The following CECR2 variants were observed in gnomAD, a reference collection of about 807,000 sequenced individuals.
CECR2 encodes the protein CECR2 histone acetyl-lysine reader.
Under a neutral mutation model 154.5 loss-of-function variants are expected in CECR2, and 30 were observed. The observed-to-expected ratio is 0.19, with a 90% CI of 0.15 to 0.26. The LOEUF (loss-of-function observed/expected upper bound fraction) is 0.26. CECR2 is among the 10% of genes least tolerant of loss of function. The pLI, the probability that CECR2 is intolerant of heterozygous loss-of-function variation, is 1.00. For synonymous variants in CECR2, 725 were observed against 683.7 expected (o/e 1.06, Z -0.94); for missense variants, 1,743 against 1,829.3 (o/e 0.95, Z 0.86).
intron 2 of CECR2, among the ~76,000 whole-genome samples, chr22:17,484,140 C>CTAACCA (rs1416793118): frequency 6.6e-6 from 1 of 152,186 alleles, no homozygotes; most frequent in Non-Finnish European, 1.5e-5. Flanking sequence ...ACAGAATCAC[C>CTAACCA]TAACCATGCC....
chr22:17,511,099 T>C (rs549536500), intron 7 of CECR2, among the ~76,000 whole-genome samples: 1 of 152,336 alleles, frequency 6.6e-6, no homozygotes, highest in African/African-American at 2.4e-5. Context: ...AGTTATGTTA[T>C]CTTAAGGGAA....
chr22:17,518,594 C>CT (rs1411820983), intron 8 of CECR2: 9 of 355,292 alleles, frequency 2.5e-5, no homozygotes, highest in Non-Finnish European at 5.0e-5. Flanking sequence ...GCTGTCACGT[C>CT]TATCTTTAGG....
intron 16 of CECR2, among the ~76,000 whole-genome samples, chr22:17,546,857 G>T (rs911463752): frequency 2.0e-5 from 3 of 151,828 alleles, no homozygotes; most frequent in Non-Finnish European, 4.4e-5. Context: ...TGGCCAACAT[G>T]GTGAAATCTT....
At chr22:17,446,330 T>C (rs1232476992) in intron 1 of CECR2, among the ~76,000 whole-genome samples, 1 of 152,172 alleles carries the variant, frequency 6.6e-6, no homozygotes, top group Non-Finnish European at 1.5e-5. Flanking sequence ...GATTGTGCTG[T>C]GTCCAGAGTT....
intron 1 of CECR2, among the ~76,000 whole-genome samples, chr22:17,440,958 G>A (rs1050018109): frequency 1.3e-5 from 2 of 151,136 alleles, no homozygotes; most frequent in Non-Finnish European, 3.0e-5. Flanking sequence ...TGGGGGGGAG[G>A]GGCAGGGGGC....
intron 4 of CECR2, among the ~76,000 whole-genome samples, chr22:17,500,208 CAAAAAAA>C (rs5844315): frequency 1.7e-5 from 2 of 116,006 alleles, no homozygotes; most frequent in African/African-American, 3.1e-5. Context: ...GAGACTCCAT[CAAAAAAA>C]AAAAAAAAAA....
chr22:17,381,753 G>A (rs565931440), intron 1 of CECR2, among the ~76,000 whole-genome samples: 4 of 152,198 alleles, frequency 2.6e-5, no homozygotes, highest in African/African-American at 9.6e-5. Context: ...TGAGCGATAG[G>A]GAATATAATT....
chr22:17,397,828 TAAATG>T (rs952157932), intron 1 of CECR2, among the ~76,000 whole-genome samples: 1 of 152,180 alleles, frequency 6.6e-6, no homozygotes, highest in African/African-American at 2.4e-5. Context: ...TGTTTTAAAA[TAAATG>T]GAAACTTTTA....
chr22:17,543,444 T>C lies in CECR2; in HGVS notation c.2860+441T>C, dbSNP rs183687594. ...GCGCCCGGCCTTCCCAGCTTCTCTT[T>C]CTTGAACTTCTCAGATTTGGGCCAA... On this transcript the variant is annotated intron_variant, in intron 16 of 18. Transcript: ENST00000262608. Among the ~76,000 whole-genome samples, 7 of 152,154 alleles carry C rather than the reference T, an allele frequency of 4.6e-5. No individual in the cohort carries two copies. The East Asian group carries it at 1.2e-3, about 25-fold the overall frequency.
intron 1 of CECR2, among the ~76,000 whole-genome samples, chr22:17,449,004 G>T (rs536917126): frequency 2.0e-5 from 3 of 151,752 alleles, no homozygotes; most frequent in African/African-American, 7.3e-5. Flanking sequence ...TCAGCCTCCC[G>T]AGTAGCTGGG....
chr22:17,447,734 C>A (rs946896569), intron 1 of CECR2, among the ~76,000 whole-genome samples: 1 of 151,792 alleles, frequency 6.6e-6, no homozygotes, highest in Non-Finnish European at 1.5e-5. Context: ...TTCTCCGTGG[C>A]AGTTTTAGTG....
At chr22:17,475,883 G>T (rs1381922494) in intron 1 of CECR2, among the ~76,000 whole-genome samples, 1 of 151,770 alleles carries the variant, frequency 6.6e-6, no homozygotes, top group African/African-American at 2.4e-5. Flanking sequence ...TTGTGCTGTT[G>T]CTTGGGCTAA....
chr22:17,532,418 A>G (rs2056369646), intron 9 of CECR2, among the ~76,000 whole-genome samples: 1 of 152,166 alleles, frequency 6.6e-6, no homozygotes, highest in Admixed American at 6.6e-5. Context: ...CAAACTTAGA[A>G]TAATAGAATG....
At chr22:17,405,326 C>T (rs144250915) in intron 1 of CECR2, among the ~76,000 whole-genome samples, 3,812 of 151,868 alleles carry the variant, frequency 0.025, 179 homozygotes, top group African/African-American at 0.087. Context: ...GCAGGAGAAC[C>T]GCTTGAACCT....
chr22:17,420,051 T>C (rs1328765954), intron 1 of CECR2, among the ~76,000 whole-genome samples: 1 of 152,188 alleles, frequency 6.6e-6, no homozygotes, highest in African/African-American at 2.4e-5. Flanking sequence ...ACAAATTGGA[T>C]GTATTTACAG....
chr22:17,379,535 G>A (rs1419911207), intron 1 of CECR2, among the ~76,000 whole-genome samples: 1 of 151,526 alleles, frequency 6.6e-6, no homozygotes, highest in Non-Finnish European at 1.5e-5. Context: ...ACTGGGGAGG[G>A]CGTTATCCAT....
chr22:17,488,590 A>G (rs978308394), intron 2 of CECR2, among the ~76,000 whole-genome samples: 14 of 152,172 alleles, frequency 9.2e-5, no homozygotes, highest in African/African-American at 3.1e-4. Context: ...TCATTCACAT[A>G]GTGCCTGTAT....
At position 17,525,285 on chromosome 22, in the gene CECR2, CCAAAAA is replaced by C. The variant is rs1393169518; in HGVS notation, c.1108+1015_1108+1020del. Among the ~76,000 whole-genome samples, 156 of 32,316 alleles carry C rather than the reference CCAAAAA, an allele frequency of 4.8e-3. 3 individuals carry two copies. The highest frequency in any genetic ancestry group is 0.016 in the African/African-American group (135 of 8,184). 21.2% of individuals were successfully genotyped at this position (32,316 alleles called of 152,430 possible). A position where few individuals can be genotyped will look rare whatever the true frequency, so the allele number is the denominator to read the frequency against. On this transcript the variant is annotated intron_variant, in intron 9 of 18. Coordinates refer to ENST00000262608, the MANE Select transcript of CECR2 (RefSeq NM_001290047.2). The stretch of plus-strand genomic sequence containing the variant: ...GGGCAACAAGAGTGAAACTCCATCT[CCAAAAA>C]AAAAAAAAAAAAAAAAAAAAAAAAG...
chr22:17,468,537 G>A (rs890353876), intron 1 of CECR2, among the ~76,000 whole-genome samples: 1 of 151,926 alleles, frequency 6.6e-6, no homozygotes, highest in African/African-American at 2.4e-5. Context: ...TTTTTAATTA[G>A]CAGAGTTTGT....
Sources: gnomAD v4.1 joint callset for allele counts (sites outside exome capture counted in the v4.1 genomes callset) on GRCh38, gnomAD v4.1.1 for gene constraint, MANE v1.5 for transcripts, NCBI Gene and HGNC (gene_info 2026-07-23, HGNC 2026-07-21) for gene names.